The following OR1B1 variants were observed in gnomAD, a reference collection of about 807,000 sequenced individuals.
OR1B1 encodes the protein olfactory receptor 1B1.
For missense variants in OR1B1, 414 were observed against 402.1 expected (o/e 1.03, Z -0.25); for synonymous variants, 168 against 156.2 (o/e 1.08, Z -0.57).
the OR1B1 span, among the ~76,000 whole-genome samples, chr9:122,656,624 A>G: frequency 1.3e-5 from 2 of 152,134 alleles, no homozygotes; most frequent in African/African-American, 4.8e-5. Context: ...AGCCTCCAAA[A>G]CCATGAGCCA....
chr9:122,649,483 A>G, the OR1B1 span, among the ~76,000 whole-genome samples: 1 of 152,234 alleles, frequency 6.6e-6, no homozygotes, highest in Non-Finnish European at 1.5e-5. Flanking sequence ...GAATGGGAGA[A>G]AAATTTTGCA....
the OR1B1 span, among the ~76,000 whole-genome samples, chr9:122,644,601 C>G: frequency 5.3e-5 from 8 of 152,170 alleles, no homozygotes; most frequent in Non-Finnish European, 1.0e-4. Context: ...TTGGCATCAC[C>G]ACATCCCCAG....
At chr9:122,650,724 A>G in the OR1B1 span, among the ~76,000 whole-genome samples, 1 of 152,202 alleles carries the variant, frequency 6.6e-6, no homozygotes, top group Non-Finnish European at 1.5e-5. Flanking sequence ...TCTAGGTACC[A>G]TTAAAATGGT....
chr9:122,637,322 G>A, the OR1B1 span: 1 of 152,154 alleles, frequency 6.6e-6, no homozygotes, highest in African/African-American at 2.4e-5. Context: ...GCCCATTTGA[G>A]ACCACCTATA....
the OR1B1 span, among the ~76,000 whole-genome samples, chr9:122,636,221 A>G: frequency 2.0e-5 from 3 of 152,220 alleles, no homozygotes; most frequent in Non-Finnish European, 4.4e-5. Flanking sequence ...GTAAATACTG[A>G]CTTGCCTATC....
At chr9:122,640,463 G>A in the OR1B1 span, among the ~76,000 whole-genome samples, 1 of 152,068 alleles carries the variant, frequency 6.6e-6, no homozygotes, top group African/African-American at 2.4e-5. Flanking sequence ...TAATATAGTC[G>A]AAGGATCCAG....
chr9:122,639,456 T>C, the OR1B1 span: 1 of 152,094 alleles, frequency 6.6e-6, no homozygotes, highest in Admixed American at 6.6e-5. Context: ...ATTTATACAT[T>C]CTCTGTGATA....
chr9:122,656,152 T>C, the OR1B1 span, among the ~76,000 whole-genome samples: 13 of 152,322 alleles, frequency 8.5e-5, no homozygotes, highest in African/African-American at 2.9e-4. Context: ...GTTGTTGTTG[T>C]TGTTATTTGA....
At chr9:122,643,861 A>G in the OR1B1 span, among the ~76,000 whole-genome samples, 1 of 152,162 alleles carries the variant, frequency 6.6e-6, no homozygotes, top group South Asian at 2.1e-4. Context: ...TCCTTGGCCA[A>G]AAGGGAACCC....
chr9:122,632,609 A>G (rs1830213924), upstream of OR1B1, among the ~76,000 whole-genome samples: 1 of 151,866 alleles, frequency 6.6e-6, no homozygotes. Context: ...AGTCCATTGT[A>G]TCATTCTTTT....
chr9:122,643,579 C>G, the OR1B1 span, among the ~76,000 whole-genome samples: 1 of 152,178 alleles, frequency 6.6e-6, no homozygotes, highest in South Asian at 2.1e-4. Context: ...TAGTGCTAGC[C>G]TGGGCTTAAA....
At chr9:122,633,964 G>C (rs74728901), upstream of OR1B1, among the ~76,000 whole-genome samples, 2,304 of 151,430 alleles carry the variant, frequency 0.015, 61 homozygotes, top group African/African-American at 0.053. Flanking sequence ...CAAAAAGAAC[G>C]TGTATTAGTC....
upstream of OR1B1, among the ~76,000 whole-genome samples, chr9:122,629,847 A>G (rs1830188829): frequency 6.6e-6 from 1 of 151,926 alleles, no homozygotes; most frequent in African/African-American, 2.4e-5. Flanking sequence ...TCATCCAACT[A>G]TTTCTTATCT....
the OR1B1 span, among the ~76,000 whole-genome samples, chr9:122,649,785 T>C: frequency 2.6e-5 from 4 of 152,212 alleles, no homozygotes; most frequent in Non-Finnish European, 5.9e-5. Flanking sequence ...ACAGGAACTC[T>C]TTTACACTGT....
the OR1B1 span, among the ~76,000 whole-genome samples, chr9:122,644,552 G>A: frequency 1.3e-5 from 2 of 152,178 alleles, no homozygotes; most frequent in South Asian, 2.1e-4. Flanking sequence ...TGAAGGGAAG[G>A]CCCTTGGCAC....
At chr9:122,628,983 A>T (rs1182168779) in exon 1 of OR1B1, 1 of 1,613,788 alleles carries the variant, frequency 6.2e-7, no homozygotes, top group Non-Finnish European at 8.5e-7. Flanking sequence ...CGGTGGTCAC[A>T]AAAGAAGTGA....
chr9:122,628,486 G>T (rs1830162163), downstream of OR1B1: 2 of 774,416 alleles, frequency 2.6e-6, no homozygotes, highest in South Asian at 1.7e-5. Context: ...AGTTATCTAG[G>T]CCCTCCACCC....
chr9:122,651,767 G>T, the OR1B1 span, among the ~76,000 whole-genome samples: 1 of 152,126 alleles, frequency 6.6e-6, no homozygotes, highest in Non-Finnish European at 1.5e-5. Context: ...TTTATTTGTT[G>T]TGAGTTCATT....
At chr9:122,629,084 C>A (rs910612536) in exon 1 of OR1B1, 22 of 1,614,052 alleles carry the variant, frequency 1.4e-5, no homozygotes, top group Admixed American at 1.3e-4. Flanking sequence ...GGACACCACC[C>A]AGCTCAAGGC....
Sources: gnomAD v4.1 joint callset for allele counts (sites outside exome capture counted in the v4.1 genomes callset) on GRCh38, gnomAD v4.1.1 for gene constraint, MANE v1.5 for transcripts, NCBI Gene and HGNC (gene_info 2026-07-23, HGNC 2026-07-21) for gene names.